ARL15: variants seen among roughly 807,000 people sequenced by gnomAD.
ARL15 encodes ADP-ribosylation factor-like protein 15.
A neutral mutation model predicts 25.2 loss-of-function variants in ARL15; 19 were observed. The ratio of observed to expected loss-of-function variants is 0.75; its 90% CI spans 0.53 to 1.10. The LOEUF (loss-of-function observed/expected upper bound fraction) is 1.10. Among genes scored for constraint, ARL15 ranks in the 50% least tolerant of loss-of-function variants. The pLI is 0.00. For synonymous variants in ARL15, 94 were observed against 86.8 expected, an observed-to-expected ratio of 1.08 and a Z score of -0.46; for missense variants, 220 against 246.0, an observed-to-expected ratio of 0.89 and a Z score of 0.71.
At chr5:54,057,319 C>T (rs1750909589) in intron 4 of ARL15, among the ~76,000 whole-genome samples, 1 of 152,180 alleles carries the variant, frequency 6.6e-6, no homozygotes, top group South Asian at 2.1e-4. Context: ...AATGTTCTTT[C>T]TGAAGCCTCT....
At chr5:54,176,852 G>A (rs190421133) in intron 1 of ARL15, among the ~76,000 whole-genome samples, 37 of 152,192 alleles carry the variant, frequency 2.4e-4, no homozygotes, top group African/African-American at 8.7e-4. Flanking sequence ...ATTTTTCCAA[G>A]GTATCTTAAG....
chr5:54,014,268 T>C (rs1749336296), intron 4 of ARL15, among the ~76,000 whole-genome samples: 1 of 152,168 alleles, frequency 6.6e-6, no homozygotes, highest in South Asian at 2.1e-4. Context: ...AAGAGATTTT[T>C]TCCCACTCTA....
In ARL15 at chr5:53,908,368, CT is replaced by C. The variant is rs35836115; in HGVS notation, c.463-21656del. On this transcript the variant is annotated intron_variant, in intron 4 of 4. Transcript: ENST00000504924. ...GCACACGTACTGAACATGTAATGAA[CT>C]TTTTTTCCTCATCATTATTCCCTAA... Among the ~76,000 whole-genome samples the C allele has an allele frequency of 2.9e-3, 441 of 152,202 alleles. 2 individuals are homozygous for C. Among genetic ancestry groups the C allele is most frequent in the African/African-American group, 8.9e-3 (370 of 41,534 alleles).
At chr5:54,146,761 G>C (rs192726777) in intron 3 of ARL15, among the ~76,000 whole-genome samples, 91 of 152,172 alleles carry the variant, frequency 6.0e-4, no homozygotes, top group African/African-American at 2.0e-3. Flanking sequence ...ATTGCCAGGG[G>C]GGTCAAAAGG....
intron 4 of ARL15, among the ~76,000 whole-genome samples, chr5:53,993,454 A>C (rs1215773945): frequency 6.6e-6 from 1 of 152,178 alleles, no homozygotes; most frequent in East Asian, 1.9e-4. Flanking sequence ...AAAATAAAGA[A>C]GGAATGATGA....
chr5:54,054,756 C>CT (rs1367581411), intron 4 of ARL15, among the ~76,000 whole-genome samples: 1 of 152,080 alleles, frequency 6.6e-6, no homozygotes, highest in East Asian at 1.9e-4. Flanking sequence ...CGCCACTGCA[C>CT]TCCAGCCTGG....
chr5:53,913,438 T>C (rs1193384649), intron 4 of ARL15, among the ~76,000 whole-genome samples: 1 of 152,208 alleles, frequency 6.6e-6, no homozygotes, highest in Non-Finnish European at 1.5e-5. Context: ...TTCTTTCTCC[T>C]AGAAGGCCCT....
intron 2 of ARL15, among the ~76,000 whole-genome samples, chr5:54,171,083 C>T (rs1329752539): frequency 6.6e-6 from 1 of 152,124 alleles, no homozygotes; most frequent in Non-Finnish European, 1.5e-5. Flanking sequence ...AAACCCTAGC[C>T]AGGATTTCTC....
At chr5:54,208,915 T>C (rs1755952663) in intron 1 of ARL15, among the ~76,000 whole-genome samples, 1 of 152,136 alleles carries the variant, frequency 6.6e-6, no homozygotes, top group Non-Finnish European at 1.5e-5. Flanking sequence ...GATACAATTT[T>C]ATAGCACACC....
At chr5:54,293,946 CT>C (rs1338936757) in intron 1 of ARL15, among the ~76,000 whole-genome samples, 2 of 152,272 alleles carry the variant, frequency 1.3e-5, no homozygotes, top group Admixed American at 1.3e-4. Flanking sequence ...CTGCCTCAGC[CT>C]CCCAAGCAGC....
rs116068816 is a variant in ARL15 at position 53,907,138 on chromosome 5, A to C, written c.463-20425T>G. 4.2e-3 allele frequency among the ~76,000 whole-genome samples: 637 copies of C among 152,118 alleles called. 7 individuals are homozygous for C. The highest frequency in any genetic ancestry group is 0.014 in the African/African-American group (597 of 41,502). ...AGGCTAGCAAGAAGTACAGCTTCCTAGCAGGGGACTTACTTTTCATTTAAC... is the reference window on the plus strand; with the variant it reads ...AGGCTAGCAAGAAGTACAGCTTCCTCGCAGGGGACTTACTTTTCATTTAAC... On this transcript the variant is annotated intron_variant, in intron 4 of 4. Transcript: ENST00000504924.
intron 4 of ARL15, among the ~76,000 whole-genome samples, chr5:54,028,115 G>T (rs563695274): frequency 6.6e-6 from 1 of 152,064 alleles, no homozygotes; most frequent in African/African-American, 2.4e-5. Flanking sequence ...TAAAGACGGG[G>T]TTTCACCATG....
chr5:54,280,001 A>G (rs1341580746), intron 1 of ARL15, among the ~76,000 whole-genome samples: 3 of 152,186 alleles, frequency 2.0e-5, no homozygotes, highest in African/African-American at 7.2e-5. Flanking sequence ...GCCAGCGCCC[A>G]AGTGTGCAGA....
intron 4 of ARL15, among the ~76,000 whole-genome samples, chr5:54,080,010 C>CACACATATAT (rs60910899): frequency 6.9e-6 from 1 of 144,680 alleles, no homozygotes; most frequent in African/African-American, 2.5e-5. Flanking sequence ...CACACACACA[C>CACACATATAT]ACACACAGAC....
intron 2 of ARL15, among the ~76,000 whole-genome samples, chr5:54,163,356 CTTTTTTTTTTTTTTTT>C (rs869196680): frequency 1.8e-5 from 1 of 55,648 alleles, no homozygotes; most frequent in Non-Finnish European, 3.5e-5. Flanking sequence ...TGGTATGAAG[CTTTTTTTTTTTTTTTT>C]TTTTTTTTTT....
At chr5:54,000,907 C>T (rs570591087) in intron 4 of ARL15, among the ~76,000 whole-genome samples, 4 of 152,260 alleles carry the variant, frequency 2.6e-5, no homozygotes, top group East Asian at 1.9e-4. Context: ...ACTGTGCAGT[C>T]GCCTAAGACC....
chr5:54,304,884 T>C (rs951243041), intron 1 of ARL15, among the ~76,000 whole-genome samples: 1 of 152,110 alleles, frequency 6.6e-6, no homozygotes, highest in African/African-American at 2.4e-5. Flanking sequence ...AGTTCACAGA[T>C]AACTGAACAT....
At chr5:54,286,065 C>A (rs745864114) in intron 1 of ARL15, 11 of 151,830 alleles carry the variant, frequency 7.2e-5, no homozygotes, top group Non-Finnish European at 1.6e-4. Context: ...CATTATTTCA[C>A]AACTCCCTTA....
intron 1 of ARL15, among the ~76,000 whole-genome samples, chr5:54,298,893 G>GT (rs34557772): frequency 0.76 from 114,309 of 149,666 alleles, 44,557 homozygotes; most frequent in Non-Finnish European, 0.82. Flanking sequence ...TGGTTTTTTG[G>GT]TTTTTTTTTC....
Sources: allele counts gnomAD v4.1 joint callset (sites outside exome capture counted in the v4.1 genomes callset), GRCh38; gene constraint gnomAD v4.1.1; transcripts MANE v1.5; gene names NCBI Gene and HGNC (gene_info 2026-07-23, HGNC 2026-07-21).